ZNF592: variants seen among roughly 807,000 people sequenced by gnomAD.
ZNF592 encodes spinocerebellar ataxia, autosomal recessive 5.
ZNF592 carries 11 observed loss-of-function variants against 80.3 expected under a neutral mutation model. The ratio of observed to expected loss-of-function variants is 0.14; its 90% CI spans 0.09 to 0.23. The LOEUF (loss-of-function observed/expected upper bound fraction) is 0.23, where lower values mean the gene tolerates loss of function less well. ZNF592 is among the 10% of genes least tolerant of loss of function. The pLI is 1.00. For synonymous variants in ZNF592, 646 were observed against 640.3 expected, an observed-to-expected ratio of 1.01 and a Z score of -0.13; for missense variants, 1,420 against 1,633.9, an observed-to-expected ratio of 0.87 and a Z score of 2.26.
At position 84,804,422 on chromosome 15, in the gene ZNF592, A is replaced by G. The variant is rs1056483949; in HGVS notation, c.*2029A>G. 1 of 152,166 alleles carries G rather than the reference A, an allele frequency of 6.6e-6. No individual in the cohort carries two copies. The highest frequency in any genetic ancestry group is 2.4e-5 in the African/African-American group (1 of 41,432). 9.4% of individuals were successfully genotyped at this position (152,166 alleles called of 1,614,324 possible). On this transcript the variant is annotated 3_prime_UTR_variant, in exon 11 of 11. Transcript: ENST00000560079. ...AGATGGTAGAATTGCAGGTTTGACC[A>G]CCTGTCGTGACCCCAGATATACATC...
intron 2 of ZNF592, among the ~76,000 whole-genome samples, chr15:84,772,936 A>C (rs547834973): frequency 6.6e-6 from 1 of 152,198 alleles, no homozygotes; most frequent in East Asian, 1.9e-4. Context: ...TTAATCTACT[A>C]TTACTGAACT....
At chr15:84,763,710 A>C (rs1899417390) in intron 1 of ZNF592, among the ~76,000 whole-genome samples, 1 of 152,176 alleles carries the variant, frequency 6.6e-6, no homozygotes. Flanking sequence ...TAGAATCCAA[A>C]CTAAATGTTG....
chr15:84,777,475 C>CAAAA, intron 2 of ZNF592, among the ~76,000 whole-genome samples: 1 of 55,160 alleles, frequency 1.8e-5, no homozygotes, highest in African/African-American at 7.0e-5. Flanking sequence ...GACTCCGTCT[C>CAAAA]AAAAAAAAAA....
Position 84,793,702 on chromosome 15 carries a change from C to G in ZNF592, c.2399+2819C>G, listed in dbSNP as rs771757980. Among the ~76,000 whole-genome samples, 4 of 152,196 alleles carry G rather than the reference C, an allele frequency of 2.6e-5. No individual in the cohort carries two copies. The South Asian group carries it at 6.2e-4, about 24-fold the overall frequency. ...CATATCCACCACTTCTTTCTTCCCC[C>G]CTAGCCCTAGGCAATCGCTAATTTA... On this transcript the variant is annotated intron_variant, in intron 5 of 10. Transcript: ENST00000560079.
rs1253165735 is a variant in ZNF592 at position 84,806,102 on chromosome 15, T to A, written c.*3709T>A. ...GTGATTCAAAAAGTATATGGATGAA[T>A]GAGTGAATGCTGCATGAATGAATGA... On this transcript the variant is annotated 3_prime_UTR_variant, in exon 11 of 11. Transcript: ENST00000560079. 1 of 152,636 alleles carries A rather than the reference T, an allele frequency of 6.6e-6. No homozygotes were observed. Among genetic ancestry groups the A allele is most frequent in the Non-Finnish European group, 1.5e-5 (1 of 68,030 alleles). The allele number at this position is 152,636 out of a possible 1,614,324, so 9.5% of individuals were successfully genotyped here. A position where few individuals can be genotyped will look rare whatever the true frequency, so the allele number is the denominator to read the frequency against.
intron 5 of ZNF592, among the ~76,000 whole-genome samples, chr15:84,796,530 A>G (rs1214722800): frequency 2.0e-5 from 3 of 151,854 alleles, no homozygotes; most frequent in Non-Finnish European, 4.4e-5. Context: ...AACACAGGAG[A>G]GGGACTAGTA....
At chr15:84,768,230 C>CTTTCT (rs1182502023) in intron 2 of ZNF592, among the ~76,000 whole-genome samples, 1 of 122,340 alleles carries the variant, frequency 8.2e-6, no homozygotes, top group East Asian at 2.3e-4. Context: ...TTCTTTCTTT[C>CTTTCT]TTTTTTTTTT....
chr15:84,784,734 T>C lies in ZNF592; in HGVS notation c.2059T>C (p.Ser687Pro). ...ATCCTCTCCCAAACATGGCCTCACTTCGGGCAGTGCCAGTCCCCCTCCTCC... is the reference window on the plus strand; with the variant it reads ...ATCCTCTCCCAAACATGGCCTCACTCCGGGCAGTGCCAGTCCCCCTCCTCC... ...PSSSPKHGLT[S>P]GSASPPPPAL... Residue 687 changes from serine to proline, a missense_variant, in exon 4 of 11, where the codon TCG becomes CCG. Around this residue, in one of 7 missense-constraint regions of ZNF592, gnomAD observed 524 missense variants for 628.3 expected, o/e 0.83. Coordinates refer to ENST00000560079, the MANE Select transcript of ZNF592 (RefSeq NM_014630.3). The surrounding 1 kb of genome is among the most constrained non-coding windows in gnomAD (Gnocchi z 5.8). The C allele has an allele frequency of 6.2e-7, 1 of 1,614,080 alleles. No individual in the cohort carries two copies. Among genetic ancestry groups the C allele is most frequent in the Non-Finnish European group, 8.5e-7 (1 of 1,180,010 alleles).
At position 84,799,346 on chromosome 15, in the gene ZNF592, G is replaced by A. The variant is rs929655186; in HGVS notation, c.3137+136G>A. 4 of 966,560 alleles carry A rather than the reference G, an allele frequency of 4.1e-6. No homozygotes were observed. The highest frequency in any genetic ancestry group is 2.6e-5 in the East Asian group (1 of 39,124). The allele number at this position is 966,560 out of a possible 1,614,324, so 59.9% of individuals were successfully genotyped here. ...GTGATTTCCAACTGGAAGAAATTGC[G>A]GCTAAGTCAGAAATCAGGGGCAGGT... is the stretch of plus-strand genomic sequence containing the variant. On this transcript the variant is annotated intron_variant, in intron 9 of 10. Coordinates refer to ENST00000560079, the MANE Select transcript of ZNF592 (RefSeq NM_014630.3). This position sits in a 1 kb window ranked among gnomAD's most constrained non-coding sequence, Gnocchi z 4.2.
At chr15:84,765,382 C>T (rs1899478475) in intron 2 of ZNF592, among the ~76,000 whole-genome samples, 1 of 152,038 alleles carries the variant, frequency 6.6e-6, no homozygotes, top group Middle Eastern at 3.2e-3. Context: ...AGTATATACC[C>T]AGAAGTGGAA....
At position 84,801,324 on chromosome 15, in the gene ZNF592, A is replaced by AAAATG. The variant is rs1596137149; in HGVS notation, c.3274-529_3274-525dup. ...GGTAACAAAATGAGACCCTGTCTCAAAAATGAAATGAAATAAAATAAAATA... is the reference window on the plus strand; with the variant it reads ...GGTAACAAAATGAGACCCTGTCTCAAAAATGAAATGAAATGAAATAAAATAAAATA... On this transcript the variant is annotated intron_variant, in intron 10 of 10. Transcript: ENST00000560079. Among the ~76,000 whole-genome samples, 5 of 152,206 alleles carry AAAATG rather than the reference A, an allele frequency of 3.3e-5. 1 individual carries two copies. The highest frequency in any genetic ancestry group is 3.3e-4 in the Admixed American group (5 of 15,294).
At position 84,802,770 on chromosome 15, in the gene ZNF592, C is replaced by T. The variant is rs1420862543; in HGVS notation, c.*377C>T. On this transcript the variant is annotated 3_prime_UTR_variant, in exon 11 of 11. Coordinates refer to ENST00000560079, the MANE Select transcript of ZNF592 (RefSeq NM_014630.3). Reference sequence around the variant, plus strand: ...TCCCGCTTGCTGCCTTCAGCCAGGGCGCTCCTCAGAGCTCTATTTTCCTGC... The same window carrying T: ...TCCCGCTTGCTGCCTTCAGCCAGGGTGCTCCTCAGAGCTCTATTTTCCTGC... 4.9e-5 allele frequency: 14 copies of T among 285,898 alleles called. 1 individual carries two copies. In the East Asian group the frequency reaches 1.0e-3, roughly 21 times the overall value. 17.7% of individuals were successfully genotyped at this position (285,898 alleles called of 1,614,324 possible).
At chr15:84,782,627 C>A in intron 3 of ZNF592, 30 bp from the exon 4 acceptor site, 1 of 1,606,596 alleles carries the variant, frequency 6.2e-7, no homozygotes, top group South Asian at 1.1e-5. Flanking sequence ...CCCTGGTGGT[C>A]ACTGATTCTG....
chr15:84,776,615 G>T (rs1411849617), intron 2 of ZNF592, among the ~76,000 whole-genome samples: 2 of 152,176 alleles, frequency 1.3e-5, no homozygotes. Flanking sequence ...AATTAGCCGG[G>T]CATGGTGGCA....
chr15:84,779,541 A>T (rs117594401), intron 3 of ZNF592, among the ~76,000 whole-genome samples: 1,584 of 152,200 alleles, frequency 0.01, 17 homozygotes, highest in Non-Finnish European at 0.017. Context: ...AAAAATAGAG[A>T]GAGTCTTACT....
At chr15:84,775,495 C>T (rs1372765685) in intron 2 of ZNF592, among the ~76,000 whole-genome samples, 3 of 151,944 alleles carry the variant, frequency 2.0e-5, no homozygotes, top group African/African-American at 4.8e-5. Context: ...TGCAGTGACG[C>T]GATCTCAGCT....
At position 84,797,873 on chromosome 15, in the gene ZNF592, A is replaced by G. The variant is rs1962965182; in HGVS notation, c.2404A>G (p.Ile802Val). The G allele has an allele frequency of 2.5e-6, 4 of 1,614,220 alleles. No homozygotes were observed. The highest frequency in any genetic ancestry group is 3.4e-6 in the Non-Finnish European group (4 of 1,180,038). Residue 802 changes from isoleucine (I) to valine (V), a missense_variant, in exon 6 of 11, where the codon ATC becomes GTC. Ile to Val is a conservative substitution (Grantham distance 29). Coordinates refer to ENST00000560079, the MANE Select transcript of ZNF592 (RefSeq NM_014630.3). ...HYARKVGYRC[I>V]HCGVVHLTLA... ...CACTACCCCACTTCTGTCTAGGTGC[A>G]TCCACTGTGGTGTCGTCCACCTGAC...
At chr15:84,789,189 G>A (rs1040564545) in intron 4 of ZNF592, among the ~76,000 whole-genome samples, 36 of 151,758 alleles carry the variant, frequency 2.4e-4, no homozygotes, top group African/African-American at 1.4e-4. Flanking sequence ...TGGAGGCTGC[G>A]GTGAGCCAAG....
chr15:84,770,192 T>C (rs950822208), intron 2 of ZNF592, among the ~76,000 whole-genome samples: 1 of 152,176 alleles, frequency 6.6e-6, no homozygotes. Flanking sequence ...AATGGCATTG[T>C]CATTTACTGA....
Sources: allele counts gnomAD v4.1 joint callset (sites outside exome capture counted in the v4.1 genomes callset), GRCh38; gene constraint gnomAD v4.1.1; regional missense constraint gnomAD v4.1.1; non-coding constraint Gnocchi (gnomAD v3.1); transcripts MANE v1.5; gene names NCBI Gene and HGNC (gene_info 2026-07-23, HGNC 2026-07-21).